Variants in DCHS2 observed in about 807,000 individuals in gnomAD.
DCHS2 encodes the protein protocadherin-23.
In DCHS2, 142 loss-of-function variants were observed where a neutral mutation model predicts 182.4. That is an observed-to-expected ratio of 0.78 (90% CI 0.68 to 0.89). The LOEUF (loss-of-function observed/expected upper bound fraction) is 0.89, where lower values mean the gene tolerates loss of function less well. DCHS2 is among the 40% of genes least tolerant of loss of function. DCHS2 has a pLI of 0.00. For synonymous variants in DCHS2, 1,740 were observed against 1,663.3 expected, an observed-to-expected ratio of 1.05 and a Z score of -1.12; for missense variants, 4,319 against 4,198.6, an observed-to-expected ratio of 1.03 and a Z score of -0.79.
chr4:154,325,139 A>G (rs1736226986), intron 7 of DCHS2, among the ~76,000 whole-genome samples: 1 of 152,172 alleles, frequency 6.6e-6, no homozygotes, highest in South Asian at 2.1e-4. Flanking sequence ...ATGGCAGAGT[A>G]TGAATAAAGG....
chr4:154,432,236 C>T (rs568820956), intron 1 of DCHS2, among the ~76,000 whole-genome samples: 14 of 152,300 alleles, frequency 9.2e-5, no homozygotes, highest in African/African-American at 3.4e-4. Flanking sequence ...CTCCTGGAGG[C>T]TGCAACATGG....
intron 1 of DCHS2, among the ~76,000 whole-genome samples, chr4:154,384,169 C>CTAA (rs1561081570): frequency 6.6e-6 from 1 of 152,194 alleles, no homozygotes. Context: ...GGGCCCACAA[C>CTAA]TAATGCAAGT....
chr4:154,479,444 A>C (rs1735827028), intron 1 of DCHS2, among the ~76,000 whole-genome samples: 1 of 152,198 alleles, frequency 6.6e-6, no homozygotes, highest in Non-Finnish European at 1.5e-5. Context: ...GTTGGCACAT[A>C]GAATAAGCTT....
intron 1 of DCHS2, among the ~76,000 whole-genome samples, chr4:154,427,059 G>A (rs1224471186): frequency 6.6e-6 from 1 of 152,164 alleles, no homozygotes; most frequent in Non-Finnish European, 1.5e-5. Flanking sequence ...AATGTTTGAG[G>A]TGATGGATAG....
At chr4:154,433,400 T>TTTTTCC (rs1258794658) in intron 1 of DCHS2, among the ~76,000 whole-genome samples, 1 of 138,030 alleles carries the variant, frequency 7.2e-6, no homozygotes, top group African/African-American at 2.7e-5. Context: ...TTTTCCTTTT[T>TTTTTCC]TTTTTTTTTT....
intron 1 of DCHS2, among the ~76,000 whole-genome samples, chr4:154,463,692 T>C (rs935810844): frequency 2.1e-5 from 3 of 145,266 alleles, no homozygotes; most frequent in Non-Finnish European, 3.0e-5. Context: ...ATTCTCTCTT[T>C]TCTCTCTCTC....
At chr4:154,296,879 A>C (rs1384490042) in intron 13 of DCHS2, among the ~76,000 whole-genome samples, 1 of 152,200 alleles carries the variant, frequency 6.6e-6, no homozygotes, top group Non-Finnish European at 1.5e-5. Flanking sequence ...TTGCAGGCGT[A>C]TTTGGGGAGA....
chr4:154,443,991 T>C (rs923375946), intron 1 of DCHS2, among the ~76,000 whole-genome samples: 12 of 152,192 alleles, frequency 7.9e-5, no homozygotes, highest in Non-Finnish European at 1.5e-4. Context: ...TCATTCTCTT[T>C]GCTTCCAGGA....
At position 154,236,171 on chromosome 4, in the gene DCHS2, A is replaced by G. The variant is rs1477091503; in HGVS notation, c.8481T>C (p.Ile2827=). 1 of 1,613,888 alleles carries G rather than the reference A, an allele frequency of 6.2e-7. No homozygotes were observed. Among genetic ancestry groups the G allele is most frequent in the African/African-American group, 1.3e-5 (1 of 75,044 alleles). The change falls in exon 20 of 20, where the codon ATT becomes ATC. Residue 2827 remains isoleucine (I), a synonymous_variant. Transcript: ENST00000357232. ...CATGAATATCCCCTGTCAAAGGGTCAATGAGGAAGAGATCATGATCATAAG... is the reference window on the plus strand; with the variant it reads ...CATGAATATCCCCTGTCAAAGGGTCGATGAGGAAGAGATCATGATCATAAG... ...GMSYDHDLFL[I]DPLTGDIHAK...
At chr4:154,271,387 A>G (rs750442089) in intron 13 of DCHS2, among the ~76,000 whole-genome samples, 9 of 152,206 alleles carry the variant, frequency 5.9e-5, no homozygotes, top group Non-Finnish European at 1.3e-4. Flanking sequence ...ACAATGCATA[A>G]CCAAGGGAGT....
At chr4:154,290,857 C>T (rs143414728) in intron 13 of DCHS2, among the ~76,000 whole-genome samples, 229 of 152,126 alleles carry the variant, frequency 1.5e-3, no homozygotes, top group African/African-American at 3.8e-3. Flanking sequence ...ATTGGGGAAA[C>T]GCTCTAGGAA....
In DCHS2 at chr4:154,297,863, T is replaced by G; in HGVS notation, c.6451A>C (p.Asn2151His). Residue 2151 changes from asparagine to histidine, a missense_variant, in exon 13 of 20, where the codon AAT (asparagine) becomes CAT (histidine). Asn to His is a moderately conservative substitution (Grantham distance 68). Coordinates refer to ENST00000357232, the MANE Select transcript of DCHS2 (RefSeq NM_001358235.2). ...AAGGGACACTCACCTGCCTCACAATTTTCAGTCACGAGCCCTTTATACAGG... is the reference window on the plus strand; with the variant it reads ...AAGGGACACTCACCTGCCTCACAATGTTCAGTCACGAGCCCTTTATACAGG... ...HHLYKGLVTE[N>H]CEAGTSIVTV... 1.2e-6 allele frequency: 2 copies of G among 1,605,784 alleles called. No homozygotes were observed. The highest frequency in any genetic ancestry group is 1.7e-5 in the Admixed American group (1 of 58,576).
At chr4:154,324,504 G>T (rs981436138) in intron 7 of DCHS2, among the ~76,000 whole-genome samples, 42 of 152,146 alleles carry the variant, frequency 2.8e-4, no homozygotes, top group Admixed American at 2.8e-3. Context: ...AGTGCACGGA[G>T]AATACACATG....
At chr4:154,301,840 G>A (rs1260061169) in intron 12 of DCHS2, among the ~76,000 whole-genome samples, 4 of 152,100 alleles carry the variant, frequency 2.6e-5, no homozygotes, top group Non-Finnish European at 4.4e-5. Context: ...CATGCATTCC[G>A]AGAATCATGA....
At chr4:154,447,724 G>A (rs1734361240) in intron 1 of DCHS2, among the ~76,000 whole-genome samples, 1 of 152,126 alleles carries the variant, frequency 6.6e-6, no homozygotes, top group Non-Finnish European at 1.5e-5. Context: ...TCTTTACTGA[G>A]AAGTTAAAAC....
intron 13 of DCHS2, among the ~76,000 whole-genome samples, chr4:154,296,464 T>C (rs1253314315): frequency 2.6e-5 from 4 of 152,144 alleles, no homozygotes; most frequent in Non-Finnish European, 1.5e-5. Context: ...TACGATTAAG[T>C]GAACATTTAA....
Position 154,333,514 on chromosome 4 carries a change from CAA to C in DCHS2, c.2714-22_2714-21del. The C allele has an allele frequency of 6.3e-7, 1 of 1,590,104 alleles. No homozygotes were observed. The highest frequency in any genetic ancestry group is 1.7e-4 in the Middle Eastern group (1 of 5,980). ...AGGAGTCTGAAAAAGAGAGAGGGGA[CAA>C]CCACTGTATGTCAAAAGGGTGGACC... is the stretch of plus-strand genomic sequence containing the variant. On this transcript the variant is annotated intron_variant, in intron 4 of 19. Coordinates refer to ENST00000357232, the MANE Select transcript of DCHS2 (RefSeq NM_001358235.2).
chr4:154,337,368 C>A (rs1429376664), intron 3 of DCHS2, among the ~76,000 whole-genome samples: 1 of 152,140 alleles, frequency 6.6e-6, no homozygotes, highest in Non-Finnish European at 1.5e-5. Flanking sequence ...TTAATGTCTG[C>A]CTCAACACAA....
chr4:154,433,540 G>A (rs1488265764), intron 1 of DCHS2, among the ~76,000 whole-genome samples: 2 of 151,654 alleles, frequency 1.3e-5, no homozygotes, highest in Non-Finnish European at 1.5e-5. Flanking sequence ...GCCTACAGGC[G>A]TGCGCCACCA....
Sources: allele counts gnomAD v4.1 joint callset (sites outside exome capture counted in the v4.1 genomes callset), GRCh38; gene constraint gnomAD v4.1.1; transcripts MANE v1.5; gene names NCBI Gene and HGNC (gene_info 2026-07-23, HGNC 2026-07-21).